The following CSMD3 variants were observed in gnomAD, a reference collection of about 807,000 sequenced individuals.
CSMD3 encodes CUB and Sushi multiple domains 3.
A neutral mutation model predicts 435.2 loss-of-function variants in CSMD3; 177 were observed. That is an observed-to-expected ratio of 0.41 (90% CI 0.36 to 0.46). CSMD3 has a LOEUF of 0.46. Ranked by LOEUF, CSMD3 falls within the 20% of genes least tolerant of loss-of-function variation. The pLI is 0.34. For synonymous variants in CSMD3, 1,656 were observed against 1,520.5 expected (o/e 1.09, Z -2.07); for missense variants, 4,265 against 4,504.6 (o/e 0.95, Z 1.52).
intron 12 of CSMD3, among the ~76,000 whole-genome samples, chr8:112,807,799 C>T (rs1028940185): frequency 6.6e-6 from 1 of 152,112 alleles, no homozygotes. Flanking sequence ...GGAAGCCTCA[C>T]TTTTAATACA....
chr8:112,291,649 T>C lies in CSMD3; in HGVS notation c.8835A>G (p.Glu2945=), dbSNP rs1183447421. 2 of 1,612,458 alleles carry C rather than the reference T, an allele frequency of 1.2e-6. No individual in the cohort carries two copies. Among genetic ancestry groups the C allele is most frequent in the Admixed American group, 1.7e-5 (1 of 59,938 alleles). The change falls in exon 56 of 71, where the codon GAA becomes GAG. Residue 2945 remains glutamate (E), a synonymous_variant. Transcript: ENST00000297405. ...DPGIPANSKR[E]SKIEHGNFTY... ...TAAAATTTCCATGTTCTATTTTACT[T>C]TCTCTTTTAGAATTGGCTGGAATTC... is the stretch of plus-strand genomic sequence containing the variant.
intron 24 of CSMD3, among the ~76,000 whole-genome samples, chr8:112,563,726 C>A (rs1563708105): frequency 6.6e-6 from 1 of 152,126 alleles, no homozygotes; most frequent in East Asian, 1.9e-4. Flanking sequence ...AGGTGACTAC[C>A]AATTTACATT....
At chr8:112,763,295 G>A (rs2077890053) in intron 13 of CSMD3, among the ~76,000 whole-genome samples, 1 of 151,412 alleles carries the variant, frequency 6.6e-6, no homozygotes, top group African/African-American at 2.4e-5. Context: ...TTAAAAATTT[G>A]TGGTGAACCT....
intron 3 of CSMD3, among the ~76,000 whole-genome samples, chr8:113,215,941 T>C (rs564976244): frequency 6.6e-6 from 1 of 151,810 alleles, no homozygotes; most frequent in African/African-American, 2.4e-5. Flanking sequence ...GAAAAAGATA[T>C]ATTAAACTTC....
At chr8:112,893,525 A>C (rs997139093) in intron 10 of CSMD3, among the ~76,000 whole-genome samples, 4 of 151,512 alleles carry the variant, frequency 2.6e-5, no homozygotes, top group Non-Finnish European at 5.9e-5. Flanking sequence ...ACTGGCTTAG[A>C]TAAAGTAACT....
intron 66 of CSMD3, 96 bp from the exon 67 acceptor site, chr8:112,237,444 G>T (rs1322044004): frequency 2.3e-6 from 2 of 876,634 alleles, no homozygotes; most frequent in African/African-American, 1.7e-5. Flanking sequence ...ATGATGTATT[G>T]CTAATACACA....
At position 112,792,434 on chromosome 8, in the gene CSMD3, C is replaced by A. The variant is rs140819561; in HGVS notation, c.1972+7728G>T. 1.7e-3 allele frequency among the ~76,000 whole-genome samples: 262 copies of A among 152,182 alleles called. 1 individual carries two copies. The highest frequency in any genetic ancestry group is 3.4e-3 in the Middle Eastern group (1 of 294). On this transcript the variant is annotated intron_variant, in intron 13 of 70. Transcript: ENST00000297405. ...GAGTGGTCTCTGGTTCATATAAGGG[C>A]ACTAATCTCATCAAGAAGGACTCAT... is the stretch of plus-strand genomic sequence containing the variant.
chr8:112,651,834 C>T (rs1463805994), intron 18 of CSMD3, among the ~76,000 whole-genome samples: 1 of 151,300 alleles, frequency 6.6e-6, no homozygotes, highest in Non-Finnish European at 1.5e-5. Context: ...CTGCACCTGG[C>T]CAGCACCCAG....
intron 5 of CSMD3, among the ~76,000 whole-genome samples, chr8:113,069,426 A>G (rs2089004915): frequency 6.6e-6 from 1 of 152,138 alleles, no homozygotes; most frequent in Non-Finnish European, 1.5e-5. Flanking sequence ...GATTATAACT[A>G]AAAATACCCT....
chr8:113,173,820 C>T lies in CSMD3; in HGVS notation c.611G>A (p.Cys204Tyr), dbSNP rs1339843034. 1 of 1,613,816 alleles carries T rather than the reference C, an allele frequency of 6.2e-7. No individual in the cohort carries two copies. Among genetic ancestry groups the T allele is most frequent in the Admixed American group, 1.7e-5 (1 of 59,996 alleles). ...GCCATCAAGGATGTATCCAGTTACA[C>T]AGCTGTAGCGGATCTTGTCCCCGAC... The part of the protein sequence containing the change: ...FDVGDKIRYS[C>Y]VTGYILDGHP... Residue 204 changes from cysteine to tyrosine, a missense_variant, in exon 4 of 71, where the codon TGT becomes TAT. Physicochemically the swap from Cys to Tyr is radical, Grantham distance 194 (BLOSUM62 -2). Around this residue, in one of 3 missense-constraint regions of CSMD3, gnomAD observed 731 missense variants for 755.4 expected, o/e 0.97. Coordinates refer to ENST00000297405, the MANE Select transcript of CSMD3 (RefSeq NM_198123.2).
intron 4 of CSMD3, among the ~76,000 whole-genome samples, chr8:113,099,196 C>G (rs1193709293): frequency 6.7e-6 from 1 of 150,170 alleles, no homozygotes; most frequent in African/African-American, 2.5e-5. Flanking sequence ...GTTGAAATAG[C>G]AATAAAAGTA....
chr8:112,312,443 AG>A (rs779508927), intron 49 of CSMD3, among the ~76,000 whole-genome samples: 1 of 151,916 alleles, frequency 6.6e-6, no homozygotes, highest in Admixed American at 6.6e-5. Context: ...TTTAGTAGAG[AG>A]GGGGTGTCAC....
At chr8:112,242,219 C>A (rs910746863) in intron 65 of CSMD3, among the ~76,000 whole-genome samples, 1 of 151,974 alleles carries the variant, frequency 6.6e-6, no homozygotes, top group African/African-American at 2.4e-5. Context: ...AAGATGTCAC[C>A]AGAAATTGGA....
intron 3 of CSMD3, among the ~76,000 whole-genome samples, chr8:113,233,237 G>A (rs1298863584): frequency 1.3e-5 from 2 of 150,056 alleles, no homozygotes; most frequent in African/African-American, 4.8e-5. Context: ...CTATTCAATT[G>A]ATAACTGTTC....
intron 13 of CSMD3, among the ~76,000 whole-genome samples, chr8:112,696,466 C>A (rs554808445): frequency 1.5e-4 from 23 of 152,136 alleles, no homozygotes; most frequent in Admixed American, 5.9e-4. Context: ...GAAAAACAAG[C>A]AATGGGGAAA....
intron 25 of CSMD3, 51 bp downstream of exon 25, chr8:112,556,712 T>C (rs780195588): frequency 1.4e-6 from 2 of 1,457,422 alleles, no homozygotes; most frequent in South Asian, 1.1e-5. Context: ...GCAAAGAATT[T>C]GATAAAGTTT....
intron 23 of CSMD3, among the ~76,000 whole-genome samples, chr8:112,581,385 G>A (rs1830325708): frequency 6.6e-6 from 1 of 152,016 alleles, no homozygotes. Context: ...TGTTGATTGA[G>A]TGGGCATGTT....
In CSMD3 at chr8:112,767,758, T is replaced by C. The variant is rs16884088; in HGVS notation, c.1972+32404A>G. Among the ~76,000 whole-genome samples the C allele has an allele frequency of 3.9e-3, 600 of 151,928 alleles. 13 individuals are homozygous for C. The East Asian group carries it at 0.073, about 19-fold the overall frequency. On this transcript the variant is annotated intron_variant, in intron 13 of 70. Coordinates refer to ENST00000297405, the MANE Select transcript of CSMD3 (RefSeq NM_198123.2). ...TATGTATCTACTCCTAATTTTATCA[T>C]TAATATCAATTTTAAATACCCTCAT...
chr8:112,896,712 A>G (rs1298117598), intron 10 of CSMD3, among the ~76,000 whole-genome samples: 1 of 151,314 alleles, frequency 6.6e-6, no homozygotes, highest in East Asian at 2.0e-4. Context: ...TTTTGTTTCC[A>G]TTTATATTTA....
Sources: allele counts gnomAD v4.1 joint callset (sites outside exome capture counted in the v4.1 genomes callset), GRCh38; gene constraint gnomAD v4.1.1; regional missense constraint gnomAD v4.1.1; transcripts MANE v1.5; gene names NCBI Gene and HGNC (gene_info 2026-07-23, HGNC 2026-07-21).